The following EHBP1 variants were observed in gnomAD, a reference collection of about 807,000 sequenced individuals.
EHBP1 encodes the protein EH domain-binding protein 1.
EHBP1 carries 55 observed loss-of-function variants against 144.0 expected under a neutral mutation model. That is an observed-to-expected ratio of 0.38 (90% CI 0.31 to 0.48). The LOEUF (loss-of-function observed/expected upper bound fraction) is 0.48. Ranked by LOEUF, EHBP1 falls within the 20% of genes least tolerant of loss-of-function variation. The pLI, the probability that EHBP1 is intolerant of heterozygous loss-of-function variation, is 0.98. For missense variants in EHBP1, 1,200 were observed against 1,364.2 expected (o/e 0.88, Z 1.90); for synonymous variants, 469 against 472.7 (o/e 0.99, Z 0.10).
chr2:63,032,617 T>C (rs1463420560), intron 19 of EHBP1, among the ~76,000 whole-genome samples: 1 of 121,814 alleles, frequency 8.2e-6, no homozygotes, highest in Non-Finnish European at 1.8e-5. Context: ...CATTAAGGAG[T>C]AAGGAGTTGG....
chr2:63,002,325 A>G (rs562047772), intron 19 of EHBP1, among the ~76,000 whole-genome samples: 2 of 152,284 alleles, frequency 1.3e-5, no homozygotes, highest in South Asian at 2.1e-4. Flanking sequence ...GCAGCTTACA[A>G]TTTATGACAG....
At chr2:62,743,952 A>C (rs1232841939) in intron 2 of EHBP1, among the ~76,000 whole-genome samples, 2 of 152,098 alleles carry the variant, frequency 1.3e-5, no homozygotes, top group Non-Finnish European at 2.9e-5. Flanking sequence ...GCACAATATG[A>C]GACAAAGCAT....
At chr2:62,676,131 A>G (rs1003476799) in intron 1 of EHBP1, among the ~76,000 whole-genome samples, 1 of 86,238 alleles carries the variant, frequency 1.2e-5, no homozygotes, top group Non-Finnish European at 2.5e-5. Flanking sequence ...AAGCATGGTT[A>G]TGAATCTATC....
At chr2:62,818,350 C>T (rs573699737) in intron 5 of EHBP1, among the ~76,000 whole-genome samples, 1 of 151,960 alleles carries the variant, frequency 6.6e-6, no homozygotes, top group East Asian at 2.0e-4. Flanking sequence ...TGCACCTTTT[C>T]CAAGTTTACG....
At position 62,813,781 on chromosome 2, in the gene EHBP1, A is replaced by G. The variant is rs367638130; in HGVS notation, c.313-12306A>G. 5.2e-4 allele frequency among the ~76,000 whole-genome samples: 79 copies of G among 152,312 alleles called. 1 individual carries two copies. The highest frequency in any genetic ancestry group is 1.7e-3 in the African/African-American group (71 of 41,578). On this transcript the variant is annotated intron_variant, in intron 5 of 22. Transcript: ENST00000431489. ...TTGTTGGGTTTTAGACTCTCTGGGA[A>G]CTAGTTACTCCTTTCTTGTTGCCTA...
intron 10 of EHBP1, among the ~76,000 whole-genome samples, chr2:62,924,393 A>C (rs1409998651): frequency 6.6e-6 from 1 of 152,250 alleles, no homozygotes; most frequent in Non-Finnish European, 1.5e-5. Flanking sequence ...TGAAATTGAG[A>C]CTGAAAAAAT....
chr2:62,942,630 G>A (rs1466569763), intron 10 of EHBP1, 88 bp from the exon 11 acceptor site: 16 of 1,187,680 alleles, frequency 1.3e-5, no homozygotes, highest in South Asian at 2.0e-5. Flanking sequence ...ACATCAAAGG[G>A]TTCAAATGAT....
intron 1 of EHBP1, among the ~76,000 whole-genome samples, chr2:62,678,510 T>C (rs1445985291): frequency 6.6e-6 from 1 of 152,154 alleles, no homozygotes; most frequent in Admixed American, 6.5e-5. Flanking sequence ...CCTTTTGATT[T>C]ATAACCTAGG....
intron 13 of EHBP1, among the ~76,000 whole-genome samples, chr2:62,952,268 G>T (rs569059878): frequency 6.6e-6 from 1 of 152,212 alleles, no homozygotes; most frequent in South Asian, 2.1e-4. Flanking sequence ...CATTTGGTAG[G>T]CTTTTAAAAT....
At chr2:62,837,400 G>C (rs2047364944) in intron 7 of EHBP1, among the ~76,000 whole-genome samples, 1 of 147,788 alleles carries the variant, frequency 6.8e-6, no homozygotes, top group Non-Finnish European at 1.5e-5. Flanking sequence ...AAAATGTAAA[G>C]ACCATCGAGA....
intron 19 of EHBP1, among the ~76,000 whole-genome samples, chr2:63,032,566 CAAAAAAAAA>C (rs35237077): frequency 7.1e-5 from 2 of 28,292 alleles, no homozygotes; most frequent in African/African-American, 3.1e-4. Context: ...GACTCTGTCT[CAAAAAAAAA>C]AAAAAAAAAA....
intron 10 of EHBP1, 50 bp downstream of exon 10, chr2:62,874,582 C>A (rs761346265): frequency 7.0e-7 from 1 of 1,432,408 alleles, no homozygotes; most frequent in East Asian, 2.3e-5. Context: ...CTGTTTTCTC[C>A]CCGTGCCATT....
intron 2 of EHBP1, among the ~76,000 whole-genome samples, chr2:62,747,095 G>T (rs924140586): frequency 3.9e-5 from 6 of 152,012 alleles, no homozygotes; most frequent in Non-Finnish European, 7.4e-5. Context: ...TTATGGAGAA[G>T]ATATGTGTGT....
intron 10 of EHBP1, among the ~76,000 whole-genome samples, chr2:62,877,719 C>A (rs1191756989): frequency 6.6e-6 from 1 of 152,092 alleles, no homozygotes; most frequent in Non-Finnish European, 1.5e-5. Flanking sequence ...TGGAAATTAA[C>A]CTGCTCCTGA....
At chr2:62,916,685 C>G (rs1276635516) in intron 10 of EHBP1, among the ~76,000 whole-genome samples, 1 of 149,764 alleles carries the variant, frequency 6.7e-6, no homozygotes, top group East Asian at 1.9e-4. Context: ...GAACTAATAG[C>G]TATTTTTCCA....
intron 10 of EHBP1, among the ~76,000 whole-genome samples, chr2:62,936,282 T>C (rs1367821164): frequency 6.6e-6 from 1 of 152,154 alleles, no homozygotes; most frequent in Non-Finnish European, 1.5e-5. Context: ...CTTTAACAGT[T>C]ATAGAACTCT....
chr2:62,726,396 C>T (rs770980851), intron 2 of EHBP1, among the ~76,000 whole-genome samples: 3 of 152,202 alleles, frequency 2.0e-5, no homozygotes, highest in East Asian at 1.9e-4. Flanking sequence ...TAGGTAGCCC[C>T]GTGCTGGGTT....
chr2:62,930,365 A>G (rs1269569041), intron 10 of EHBP1, among the ~76,000 whole-genome samples: 1 of 152,238 alleles, frequency 6.6e-6, no homozygotes, highest in African/African-American at 2.4e-5. Flanking sequence ...AACATTTCTG[A>G]AAGAAACTGA....
intron 10 of EHBP1, chr2:62,940,259 G>T: frequency 7.6e-6 from 2 of 262,068 alleles, no homozygotes; most frequent in South Asian, 1.1e-4. Context: ...GCCAAGAGTT[G>T]AGGTTGAAGT....
Sources: allele counts gnomAD v4.1 joint callset (sites outside exome capture counted in the v4.1 genomes callset), GRCh38; gene constraint gnomAD v4.1.1; transcripts MANE v1.5; gene names NCBI Gene and HGNC (gene_info 2026-07-23, HGNC 2026-07-21).